Variants in SLC35F4 observed in about 807,000 individuals in gnomAD.
SLC35F4 encodes chromosome 14 open reading frame 36.
SLC35F4 carries 24 observed loss-of-function variants against 44.2 expected under a neutral mutation model. The observed-to-expected ratio is 0.54, with a 90% confidence interval of 0.39 to 0.76. The LOEUF is 0.76. SLC35F4 is among the 30% of genes least tolerant of loss of function. The pLI is 0.00. For synonymous variants in SLC35F4, 238 were observed against 223.6 expected (o/e 1.06, Z -0.57); for missense variants, 562 against 586.1 (o/e 0.96, Z 0.42).
chr14:57,644,612 A>C (rs1244384025), intron 1 of SLC35F4, among the ~76,000 whole-genome samples: 1 of 152,000 alleles, frequency 6.6e-6, no homozygotes, highest in African/African-American at 2.4e-5. Flanking sequence ...GAAGCTCTTT[A>C]GTTTAATTAG....
chr14:57,717,362 C>T (rs1224615683), intron 1 of SLC35F4, among the ~76,000 whole-genome samples: 5 of 152,152 alleles, frequency 3.3e-5, no homozygotes, highest in Admixed American at 6.5e-5. Context: ...TCCAGCTGGG[C>T]GCGGTGGCTC....
intron 1 of SLC35F4, among the ~76,000 whole-genome samples, chr14:57,904,134 T>C (rs544485797): frequency 6.6e-6 from 1 of 152,362 alleles, no homozygotes; most frequent in East Asian, 1.9e-4. Context: ...GTCACACTGA[T>C]AGATCCATTA....
chr14:57,582,043 T>C (rs1594935146), intron 3 of SLC35F4, among the ~76,000 whole-genome samples: 1 of 152,250 alleles, frequency 6.6e-6, no homozygotes, highest in Non-Finnish European at 1.5e-5. Context: ...GTTGTACTTA[T>C]ATACAAACAT....
At chr14:57,640,007 T>C (rs917219126) in intron 1 of SLC35F4, among the ~76,000 whole-genome samples, 20 of 152,052 alleles carry the variant, frequency 1.3e-4, no homozygotes, top group Admixed American at 5.9e-4. Flanking sequence ...CCCCTTTTTC[T>C]ATATTAAAAA....
chr14:57,822,945 A>G (rs368048461), intron 1 of SLC35F4, among the ~76,000 whole-genome samples: 8 of 152,192 alleles, frequency 5.3e-5, no homozygotes, highest in Admixed American at 1.3e-4. Context: ...CCAGGCATCA[A>G]AAAATCCATC....
At chr14:57,615,356 CT>C (rs766207881) in intron 1 of SLC35F4, among the ~76,000 whole-genome samples, 661 of 20,856 alleles carry the variant, frequency 0.032, 4 homozygotes, top group Admixed American at 0.075. Context: ...AAACATTTTC[CT>C]TTTTTTTTTT....
At chr14:57,652,712 G>T (rs1285707526) in intron 1 of SLC35F4, among the ~76,000 whole-genome samples, 1 of 151,466 alleles carries the variant, frequency 6.6e-6, no homozygotes, top group African/African-American at 2.4e-5. Flanking sequence ...GATCTAACAG[G>T]ATAGTAACCC....
chr14:57,940,160 C>T (rs1192413283), intron 1 of SLC35F4, among the ~76,000 whole-genome samples: 4 of 152,122 alleles, frequency 2.6e-5, no homozygotes, highest in African/African-American at 9.7e-5. Context: ...AAGATGAAGT[C>T]TACAGACACC....
chr14:57,700,554 ATTT>A (rs1375093132), intron 1 of SLC35F4, among the ~76,000 whole-genome samples: 1 of 152,146 alleles, frequency 6.6e-6, no homozygotes, highest in South Asian at 2.1e-4. Context: ...AAATTAAAAA[ATTT>A]TTGACTCTTT....
chr14:57,944,695 A>AAAGAAAGAAAGAAAGAAAG (rs1201207131), intron 1 of SLC35F4, among the ~76,000 whole-genome samples: 3 of 115,998 alleles, frequency 2.6e-5, no homozygotes, highest in African/African-American at 1.2e-4. Flanking sequence ...AGAAAGAAAG[A>AAAGAAAGAAAGAAAGAAAG]AAAGAAAGAA....
In SLC35F4 at chr14:57,748,991, T is replaced by C. The variant is rs183602484; in HGVS notation, c.103+116732A>G. Among the ~76,000 whole-genome samples, 152 of 152,210 alleles carry C rather than the reference T, an allele frequency of 1.0e-3. 1 individual carries two copies. The highest frequency in any genetic ancestry group is 2.0e-3 in the Admixed American group (30 of 15,278). ...CTTAACTCTGTTGTGGGTCTGAAGG[T>C]TCACATTTTACAGATGAAGATACAA... On this transcript the variant is annotated intron_variant, in intron 1 of 7. Transcript: ENST00000556826.
At chr14:57,773,542 G>A (rs1035133222) in intron 1 of SLC35F4, among the ~76,000 whole-genome samples, 1 of 152,024 alleles carries the variant, frequency 6.6e-6, no homozygotes. Flanking sequence ...TATTTTATTG[G>A]GAAAATTAGC....
chr14:57,860,450 C>A (rs1360729364), intron 1 of SLC35F4, among the ~76,000 whole-genome samples: 1 of 152,146 alleles, frequency 6.6e-6, no homozygotes, highest in Non-Finnish European at 1.5e-5. Flanking sequence ...TCAAAGCTGA[C>A]CTACTGCATG....
At chr14:57,789,571 A>T (rs1484482371) in intron 1 of SLC35F4, among the ~76,000 whole-genome samples, 2 of 152,210 alleles carry the variant, frequency 1.3e-5, no homozygotes, top group African/African-American at 4.8e-5. Context: ...AGAAGTACAA[A>T]GAGGAGCTGG....
intron 1 of SLC35F4, among the ~76,000 whole-genome samples, chr14:57,893,351 C>G (rs1189185338): frequency 6.6e-6 from 1 of 152,152 alleles, no homozygotes; most frequent in African/African-American, 2.4e-5. Context: ...TACATTGTCT[C>G]TTTTTAACTT....
chr14:57,936,472 A>C (rs1409985138), intron 1 of SLC35F4, among the ~76,000 whole-genome samples: 1 of 152,218 alleles, frequency 6.6e-6, no homozygotes, highest in Admixed American at 6.5e-5. Context: ...CCATTAAACT[A>C]GACCAGTGGT....
chr14:57,861,706 T>C (rs1321171652), intron 1 of SLC35F4, among the ~76,000 whole-genome samples: 3 of 152,192 alleles, frequency 2.0e-5, no homozygotes, highest in Non-Finnish European at 2.9e-5. Flanking sequence ...TTCAATAGCA[T>C]TGGACTCAGC....
intron 1 of SLC35F4, among the ~76,000 whole-genome samples, chr14:57,915,926 T>A (rs1566928707): frequency 6.6e-6 from 1 of 152,136 alleles, no homozygotes; most frequent in Non-Finnish European, 1.5e-5. Flanking sequence ...CCTCTACCCA[T>A]CCCCAAGTTC....
intron 1 of SLC35F4, among the ~76,000 whole-genome samples, chr14:57,820,695 A>T (rs1333004458): frequency 6.6e-6 from 1 of 152,208 alleles, no homozygotes; most frequent in Non-Finnish European, 1.5e-5. Context: ...GTAACAGATA[A>T]AACTTCTCAA....
Sources: gnomAD v4.1 joint callset for allele counts (sites outside exome capture counted in the v4.1 genomes callset) on GRCh38, gnomAD v4.1.1 for gene constraint, MANE v1.5 for transcripts, NCBI Gene and HGNC (gene_info 2026-07-23, HGNC 2026-07-21) for gene names.